Variants in PRPF39 observed in about 807,000 individuals in gnomAD.
PRPF39 encodes pre-mRNA-processing factor 39.
PRPF39 carries 27 observed loss-of-function variants against 82.1 expected under a neutral mutation model. The observed-to-expected ratio is 0.33, with a 90% CI of 0.24 to 0.45. PRPF39 has a LOEUF of 0.45. Among genes scored for constraint, PRPF39 ranks in the 20% least tolerant of loss-of-function variants. The probability of loss-of-function intolerance (pLI) is 1.00; values close to 1 mark genes in which losing one functional copy is unlikely to be tolerated. For missense variants in PRPF39, 581 were observed against 796.9 expected, an observed-to-expected ratio of 0.73 and a Z score of 3.26; for synonymous variants, 261 against 256.4, an observed-to-expected ratio of 1.02 and a Z score of -0.17.
chr14:45,108,555 A>G, intron 7 of PRPF39, 33 bp downstream of exon 7: 1 of 1,560,486 alleles, frequency 6.4e-7, no homozygotes, highest in Non-Finnish European at 8.6e-7. Flanking sequence ...AGTCTTTAAA[A>G]TACAAAGTAG....
intron 4 of PRPF39, among the ~76,000 whole-genome samples, chr14:45,100,962 G>T (rs150220930): frequency 2.3e-3 from 346 of 152,186 alleles, no homozygotes; most frequent in African/African-American, 7.9e-3. Flanking sequence ...TCGTGAGATA[G>T]ACATTAGCCT....
chr14:45,108,379 TTG>T (rs1884603816), intron 6 of PRPF39, 34 bp from the exon 7 acceptor site: 1 of 1,553,862 alleles, frequency 6.4e-7, no homozygotes, highest in Non-Finnish European at 8.6e-7. Context: ...AGTATACAGT[TTG>T]TGAGATTTAT....
At chr14:45,097,068 A>G in intron 4 of PRPF39, 63 bp downstream of exon 4, 1 of 1,452,552 alleles carries the variant, frequency 6.9e-7, no homozygotes, top group Non-Finnish European at 9.0e-7. Flanking sequence ...GATGTTGATA[A>G]TAGAGCTCAT....
Position 45,110,132 on chromosome 14 carries a change from G to C in PRPF39, c.1215G>C (p.Val405=). 6.2e-7 allele frequency: 1 copy of C among 1,613,514 alleles called. No homozygotes were observed. Among genetic ancestry groups the C allele is most frequent in the Non-Finnish European group, 8.5e-7 (1 of 1,179,532 alleles). Residue 405 remains valine (V), a synonymous_variant, in exon 9 of 14, where the codon GTG becomes GTC. Transcript: ENST00000355765. This position sits in a 1 kb window ranked among gnomAD's most constrained non-coding sequence, Gnocchi z 4.0. Reference sequence around the variant, plus strand: ...TGGAAAACCATAGCATTGAAGGAGTGAGGCATGTCTTCAGCAGAGCTTGTA... The same window carrying C: ...TGGAAAACCATAGCATTGAAGGAGTCAGGCATGTCTTCAGCAGAGCTTGTA... ...KYMENHSIEG[V]RHVFSRACTI...
intron 5 of PRPF39, among the ~76,000 whole-genome samples, chr14:45,106,364 G>T (rs776742368): frequency 1.3e-5 from 2 of 151,864 alleles, no homozygotes; most frequent in Non-Finnish European, 2.9e-5. Flanking sequence ...AGAAAATAAA[G>T]AAAGAAATAC....
chr14:45,099,397 GT>G (rs1566694053), intron 4 of PRPF39, among the ~76,000 whole-genome samples: 1 of 151,334 alleles, frequency 6.6e-6, no homozygotes, highest in Non-Finnish European at 1.5e-5. Flanking sequence ...GCTTTTTGAG[GT>G]ATTTCCTTGA....
At chr14:45,085,922 A>G (rs1883811650) in intron 1 of PRPF39, among the ~76,000 whole-genome samples, 2 of 152,188 alleles carry the variant, frequency 1.3e-5, no homozygotes, top group East Asian at 1.9e-4. Flanking sequence ...CTCTACAGGA[A>G]TAAGAGGCAT....
chr14:45,096,875 T>C lies in PRPF39; in HGVS notation c.451-12T>C. 2 of 1,543,632 alleles carry C rather than the reference T, an allele frequency of 1.3e-6. No individual in the cohort carries two copies. The highest frequency in any genetic ancestry group is 1.7e-6 in the Non-Finnish European group (2 of 1,144,910). Reference sequence around the variant, plus strand: ...TAAATATTTGAAGTACAGTTTGCTGTTTTCTTCTTAGGTTTATCGGCGGGG... The same window carrying C: ...TAAATATTTGAAGTACAGTTTGCTGCTTTCTTCTTAGGTTTATCGGCGGGG... On this transcript the variant is annotated splice_polypyrimidine_tract_variant and intron_variant, in intron 3 of 13. Coordinates refer to ENST00000355765, the MANE Select transcript of PRPF39 (RefSeq NM_017922.4).
intron 1 of PRPF39, among the ~76,000 whole-genome samples, chr14:45,090,139 C>T (rs1014223794): frequency 6.6e-6 from 1 of 152,108 alleles, no homozygotes; most frequent in African/African-American, 2.4e-5. Context: ...AATACAAAAC[C>T]ACAAACTAGT....
At position 45,102,560 on chromosome 14, in the gene PRPF39, A is replaced by G; in HGVS notation, c.601A>G (p.Thr201Ala). 6.2e-7 allele frequency: 1 copy of G among 1,610,562 alleles called. No individual in the cohort carries two copies. Among genetic ancestry groups the G allele is most frequent in the Non-Finnish European group, 8.5e-7 (1 of 1,178,758 alleles). ...TFEHAVLAAG[T>A]DFRSDRLWEM... ...TGAGCATGCTGTTCTAGCTGCAGGA[A>G]CAGATTTCCGTTCTGACAGACTGTG... Residue 201 changes from threonine (T) to alanine (A), a missense_variant, in exon 5 of 14, where the codon ACA (threonine) becomes GCA (alanine). Thr to Ala is a moderately conservative substitution (Grantham distance 58). Coordinates refer to ENST00000355765, the MANE Select transcript of PRPF39 (RefSeq NM_017922.4).
At position 45,107,419 on chromosome 14, in the gene PRPF39, C is replaced by T. The variant is rs1403536668; in HGVS notation, c.738-32C>T. Reference sequence around the variant, plus strand: ...CAATATGAGATCTAAAATTATGATTCAAATACATATATTTTTATTGTCTTC... The same window carrying T: ...CAATATGAGATCTAAAATTATGATTTAAATACATATATTTTTATTGTCTTC... On this transcript the variant is annotated intron_variant, in intron 5 of 13. Coordinates refer to ENST00000355765, the MANE Select transcript of PRPF39 (RefSeq NM_017922.4). 2.1e-6 allele frequency: 3 copies of T among 1,426,696 alleles called. No homozygotes were observed. The Admixed American group carries it at 6.3e-5, about 30-fold the overall frequency. 88.4% of individuals were successfully genotyped at this position (1,426,696 alleles called of 1,614,324 possible).
At chr14:45,092,281 A>G (rs1884053742) in intron 1 of PRPF39, among the ~76,000 whole-genome samples, 1 of 152,216 alleles carries the variant, frequency 6.6e-6, no homozygotes, top group Non-Finnish European at 1.5e-5. Flanking sequence ...TGTCTGCCAG[A>G]TGACTAGTGC....
At position 45,093,809 on chromosome 14, in the gene PRPF39, C is replaced by T. The variant is rs1884117093; in HGVS notation, c.-19-1412C>T. On this transcript the variant is annotated intron_variant, in intron 1 of 13. Coordinates refer to ENST00000355765, the MANE Select transcript of PRPF39 (RefSeq NM_017922.4). The stretch of plus-strand genomic sequence containing the variant: ...ACCTCAGGTGATCCGCCTGCCTCAG[C>T]CTCCCAAAGTGCTGGGATTACAGGC... Among the ~76,000 whole-genome samples, 3 of 152,174 alleles carry T rather than the reference C, an allele frequency of 2.0e-5. No individual in the cohort carries two copies. In the South Asian group the frequency reaches 6.2e-4, roughly 32 times the overall value.
rs1217139186 is a variant in PRPF39 at position 45,095,334 on chromosome 14, G to C, written c.95G>C (p.Ser32Thr). 1 of 1,613,498 alleles carries C rather than the reference G, an allele frequency of 6.2e-7. No homozygotes were observed. Among genetic ancestry groups the C allele is most frequent in the East Asian group, 2.2e-5 (1 of 44,872 alleles). Residue 32 changes from serine (S) to threonine (T), a missense_variant, in exon 2 of 14, where the codon AGT becomes ACT. Ser to Thr is a moderately conservative substitution (Grantham distance 58). Coordinates refer to ENST00000355765, the MANE Select transcript of PRPF39 (RefSeq NM_017922.4). Reference sequence around the variant, plus strand: ...GTGGTAGAACATCCTACTGATTTCAGTACTGAGATTATGAACGTTACAGAA... The same window carrying C: ...GTGGTAGAACATCCTACTGATTTCACTACTGAGATTATGAACGTTACAGAA... ...EVVVEHPTDF[S>T]TEIMNVTEME...
intron 5 of PRPF39, 47 bp downstream of exon 5, chr14:45,102,743 A>G: frequency 1.4e-6 from 2 of 1,439,730 alleles, no homozygotes; most frequent in Non-Finnish European, 1.9e-6. Context: ...TTACTCAGAT[A>G]GTTGGTAATA....
At chr14:45,084,979 T>G (rs887871199) in intron 1 of PRPF39, among the ~76,000 whole-genome samples, 2 of 152,330 alleles carry the variant, frequency 1.3e-5, no homozygotes, top group South Asian at 2.1e-4. Flanking sequence ...TGTTGTTTTT[T>G]TCGTTTGATA....
chr14:45,106,048 A>T (rs577045628), intron 5 of PRPF39, among the ~76,000 whole-genome samples: 17 of 152,164 alleles, frequency 1.1e-4, no homozygotes, highest in African/African-American at 3.4e-4. Context: ...CCATTAATCA[A>T]TATTAGAAAT....
At chr14:45,101,139 T>C (rs1884361512) in intron 4 of PRPF39, among the ~76,000 whole-genome samples, 1 of 152,226 alleles carries the variant, frequency 6.6e-6, no homozygotes, top group South Asian at 2.1e-4. Context: ...TTTCTTATAT[T>C]ATCTTTCAGG....
chr14:45,089,309 G>GC (rs1431126639), intron 1 of PRPF39, among the ~76,000 whole-genome samples: 1 of 152,086 alleles, frequency 6.6e-6, no homozygotes, highest in Non-Finnish European at 1.5e-5. Flanking sequence ...TCATTCTTTT[G>GC]CACGTGGATA....
Sources: gnomAD v4.1 joint callset for allele counts (sites outside exome capture counted in the v4.1 genomes callset) on GRCh38, gnomAD v4.1.1 for gene constraint, Gnocchi (gnomAD v3.1) non-coding constraint, MANE v1.5 for transcripts, NCBI Gene and HGNC (gene_info 2026-07-23, HGNC 2026-07-21) for gene names.